Variants in PATJ observed in about 807,000 individuals in gnomAD.
The protein encoded by PATJ is inaD-like protein.
Under a neutral mutation model 224.9 loss-of-function variants are expected in PATJ, and 190 were observed. The ratio of observed to expected loss-of-function variants is 0.84; its 90% CI spans 0.75 to 0.95. The LOEUF (loss-of-function observed/expected upper bound fraction) is 0.95. PATJ is among the 40% of genes least tolerant of loss of function. The pLI, the probability that PATJ is intolerant of heterozygous loss-of-function variation, is 0.00. For missense variants in PATJ, 2,121 were observed against 2,270.3 expected (o/e 0.93, Z 1.34); for synonymous variants, 769 against 820.3 (o/e 0.94, Z 1.07).
intron 21 of PATJ, among the ~76,000 whole-genome samples, chr1:61,878,925 A>G (rs1667717312): frequency 6.6e-6 from 1 of 152,068 alleles, no homozygotes; most frequent in Non-Finnish European, 1.5e-5. Context: ...CTGGGATTAC[A>G]GGCGTGTGCC....
chr1:62,090,916 T>G (rs947166655), intron 33 of PATJ, among the ~76,000 whole-genome samples: 4 of 152,140 alleles, frequency 2.6e-5, no homozygotes, highest in African/African-American at 9.7e-5. Flanking sequence ...AAAAGATAGC[T>G]CTCCAGACTC....
At chr1:62,103,726 C>A (rs149625007) in intron 33 of PATJ, among the ~76,000 whole-genome samples, 2 of 151,682 alleles carry the variant, frequency 1.3e-5, no homozygotes, top group African/African-American at 4.9e-5. Flanking sequence ...TGCACTCCAG[C>A]CTGGGCAAAA....
intron 28 of PATJ, among the ~76,000 whole-genome samples, chr1:62,005,702 G>T (rs1204052563): frequency 6.6e-6 from 1 of 151,990 alleles, no homozygotes; most frequent in East Asian, 1.9e-4. Context: ...AGGCTTCTAG[G>T]CTACAGTGAG....
intron 27 of PATJ, chr1:61,951,919 G>T (rs958007523): frequency 6.5e-6 from 1 of 154,958 alleles, no homozygotes; most frequent in Non-Finnish European, 1.4e-5. Context: ...CTAATGTGAT[G>T]AACCGTTTCT....
At chr1:61,759,432 C>T (rs1484346486) in intron 1 of PATJ, among the ~76,000 whole-genome samples, 5 of 130,214 alleles carry the variant, frequency 3.8e-5, no homozygotes, top group South Asian at 2.6e-4. Flanking sequence ...TTTTTTGAGA[C>T]AAAGTCTTGC....
intron 31 of PATJ, among the ~76,000 whole-genome samples, chr1:62,062,525 C>A (rs1655738963): frequency 9.4e-6 from 1 of 106,466 alleles, no homozygotes; most frequent in African/African-American, 3.7e-5. Flanking sequence ...TTGACAGGGT[C>A]TCACTCTGTT....
At chr1:62,047,951 T>G (rs1354614162) in intron 30 of PATJ, among the ~76,000 whole-genome samples, 1 of 152,246 alleles carries the variant, frequency 6.6e-6, no homozygotes, top group Non-Finnish European at 1.5e-5. Flanking sequence ...TCTTATCTTC[T>G]GTAAGATCAG....
Position 61,743,914 on chromosome 1 carries a change from AAAGT to A in PATJ, c.-36+1364_-36+1367del, listed in dbSNP as rs891717936. Among the ~76,000 whole-genome samples, 90 of 152,262 alleles carry A rather than the reference AAAGT, an allele frequency of 5.9e-4. 1 individual carries two copies. The highest frequency in any genetic ancestry group is 2.0e-3 in the African/African-American group (82 of 41,552). ...AGGGTAAAAGGAAACTTTTATTGGC[AAAGT>A]AAGTGCAGATAAGCTGCGTGAAAAC... On this transcript the variant is annotated intron_variant, in intron 1 of 43. Coordinates refer to ENST00000642238, the MANE Select transcript of PATJ (RefSeq NM_001350145.3).
At chr1:61,910,536 C>A (rs202032667) in intron 25 of PATJ, among the ~76,000 whole-genome samples, 1 of 42,268 alleles carries the variant, frequency 2.4e-5, no homozygotes, top group South Asian at 1.5e-3. Flanking sequence ...CAAAGTGACT[C>A]TTTTTTTTTT....
At position 61,795,253 on chromosome 1, in the gene PATJ, C is replaced by T. The variant is rs76996222; in HGVS notation, c.1169-214C>T. 6.4e-4 allele frequency among the ~76,000 whole-genome samples: 97 copies of T among 152,118 alleles called. No individual in the cohort carries two copies. The East Asian group carries it at 0.015, about 24-fold the overall frequency. On this transcript the variant is annotated intron_variant, in intron 9 of 43. Coordinates refer to ENST00000642238, the MANE Select transcript of PATJ (RefSeq NM_001350145.3). ...AGGGTTCCACTACTGATTATTTTAACGGAAGAGTAGTCATCAGTCAAATCA... is the reference window on the plus strand; with the variant it reads ...AGGGTTCCACTACTGATTATTTTAATGGAAGAGTAGTCATCAGTCAAATCA...
chr1:62,158,729 A>AT (rs1386487615), intron 43 of PATJ, among the ~76,000 whole-genome samples: 1 of 144,964 alleles, frequency 6.9e-6, no homozygotes, highest in Non-Finnish European at 1.5e-5. Context: ...TCAAAAAAAA[A>AT]ACAAAAAAAA....
At position 62,114,241 on chromosome 1, in the gene PATJ, G is replaced by A; in HGVS notation, c.4650G>A (p.Gly1550=). Residue 1550 remains glycine (G), a synonymous_variant, in exon 35 of 44, where the codon GGG becomes GGA. Transcript: ENST00000642238. Reference sequence around the variant, plus strand: ...GGGGCCTGGGCCTGAGCATCGTTGGGAAACGGTAAAGACGTGCTGTGGGAG... The same window carrying A: ...GGGGCCTGGGCCTGAGCATCGTTGGAAAACGGTAAAGACGTGCTGTGGGAG... ...AGRGLGLSIV[G]KRNGSGVFIS... is the part of the protein sequence containing the mutation. The A allele has an allele frequency of 6.2e-7, 1 of 1,613,968 alleles. No individual in the cohort carries two copies. Among genetic ancestry groups the A allele is most frequent in the Non-Finnish European group, 8.5e-7 (1 of 1,179,944 alleles).
intron 7 of PATJ, among the ~76,000 whole-genome samples, chr1:61,775,947 T>A (rs1256128269): frequency 6.6e-6 from 1 of 152,228 alleles, no homozygotes; most frequent in Non-Finnish European, 1.5e-5. Flanking sequence ...TCATATAGAA[T>A]AGGCATGATA....
intron 41 of PATJ, among the ~76,000 whole-genome samples, chr1:62,137,191 T>C (rs2148981568): frequency 6.6e-6 from 1 of 151,862 alleles, no homozygotes; most frequent in African/African-American, 2.4e-5. Context: ...ATGTTCCTTT[T>C]ACCCTAAGTT....
chr1:61,777,412 A>G (rs1474526569), intron 7 of PATJ, among the ~76,000 whole-genome samples: 2 of 152,170 alleles, frequency 1.3e-5, no homozygotes, highest in African/African-American at 2.4e-5. Flanking sequence ...AAAAGACACA[A>G]AAGTTAGCTG....
At chr1:62,078,101 C>T (rs1182771661) in intron 31 of PATJ, among the ~76,000 whole-genome samples, 1 of 152,198 alleles carries the variant, frequency 6.6e-6, no homozygotes, top group African/African-American at 2.4e-5. Flanking sequence ...GAGCAGTTAC[C>T]TTGGTCCTAT....
In PATJ at chr1:61,827,584, G is replaced by C. The variant is rs1466183574; in HGVS notation, c.1980+1G>C. 1 of 1,613,022 alleles carries C rather than the reference G, an allele frequency of 6.2e-7. No individual in the cohort carries two copies. The highest frequency in any genetic ancestry group is 8.5e-7 in the Non-Finnish European group (1 of 1,179,516). ...TGAAACCTCTCTTCCTGAGACAGAG[G>C]TACTAAATGAATATAGTGCATTTCC... is the stretch of plus-strand genomic sequence containing the variant. On this transcript the variant is annotated splice_donor_variant, in intron 16 of 43. Coordinates refer to ENST00000642238, the MANE Select transcript of PATJ (RefSeq NM_001350145.3). LOFTEE classifies it high-confidence loss of function.
chr1:62,146,427 G>C (rs989473857), intron 41 of PATJ, among the ~76,000 whole-genome samples: 4 of 152,198 alleles, frequency 2.6e-5, no homozygotes, highest in Non-Finnish European at 4.4e-5. Flanking sequence ...GCTATGGATG[G>C]AGGGGCTGAA....
chr1:62,135,002 GTGA>G (rs1666677695), intron 41 of PATJ, among the ~76,000 whole-genome samples: 1 of 11,638 alleles, frequency 8.6e-5, no homozygotes, highest in Non-Finnish European at 1.7e-4. Flanking sequence ...CATGGCCTAT[GTGA>G]GTATCACTAA....
Sources: gnomAD v4.1 joint callset for allele counts (sites outside exome capture counted in the v4.1 genomes callset) on GRCh38, gnomAD v4.1.1 for gene constraint, MANE v1.5 for transcripts, NCBI Gene and HGNC (gene_info 2026-07-23, HGNC 2026-07-21) for gene names.